Variants in SS18 observed in about 807,000 individuals in gnomAD.
SS18 encodes the protein protein SSXT.
A neutral mutation model predicts 72.5 loss-of-function variants in SS18; 28 were observed. That is an observed-to-expected ratio of 0.39 (90% CI 0.29 to 0.53). The LOEUF (loss-of-function observed/expected upper bound fraction) is 0.53. Among genes scored for constraint, SS18 ranks in the 20% least tolerant of loss-of-function variants. The pLI is 0.76. For missense variants in SS18, 518 were observed against 535.3 expected (o/e 0.97, Z 0.32); for synonymous variants, 172 against 164.2 (o/e 1.05, Z -0.37).
chr18:26,058,469 C>A (rs558399526), intron 3 of SS18, among the ~76,000 whole-genome samples: 1 of 152,234 alleles, frequency 6.6e-6, no homozygotes, highest in African/African-American at 2.4e-5. Context: ...CGGTTAGTTT[C>A]GCTCCAATCC....
At chr18:26,082,408 G>T in intron 2 of SS18, 1 of 963,800 alleles carries the variant, frequency 1.0e-6, no homozygotes, top group Non-Finnish European at 1.2e-6. Flanking sequence ...GCACTTTATA[G>T]AATAAAAGTT....
chr18:26,085,230 A>G (rs1305492316), intron 2 of SS18, among the ~76,000 whole-genome samples: 1 of 152,172 alleles, frequency 6.6e-6, no homozygotes, highest in East Asian at 1.9e-4. Context: ...AGAAACAGTT[A>G]TCACTGTTGC....
chr18:26,085,494 T>C (rs1355762859), intron 2 of SS18, among the ~76,000 whole-genome samples: 2 of 152,258 alleles, frequency 1.3e-5, no homozygotes, highest in East Asian at 3.8e-4. Flanking sequence ...TGCTGGCTAA[T>C]TTGGCAACTT....
chr18:26,066,548 A>G (rs1352573579), intron 3 of SS18, among the ~76,000 whole-genome samples: 1 of 151,910 alleles, frequency 6.6e-6, no homozygotes, highest in African/African-American at 2.4e-5. Flanking sequence ...TCAGTTCCCT[A>G]GCATTTTTGC....
At chr18:26,078,551 G>A (rs1282827695) in intron 2 of SS18, among the ~76,000 whole-genome samples, 3 of 152,088 alleles carry the variant, frequency 2.0e-5, no homozygotes, top group Non-Finnish European at 4.4e-5. Context: ...CTAGTACACT[G>A]AGTTTTTTTA....
chr18:26,082,430 T>C, intron 2 of SS18: 1 of 976,330 alleles, frequency 1.0e-6, no homozygotes, highest in Non-Finnish European at 1.2e-6. Flanking sequence ...TCTTCCAAAC[T>C]ACAGATTTAA....
chr18:26,024,895 G>A (rs1379822639), intron 10 of SS18, among the ~76,000 whole-genome samples: 3 of 151,926 alleles, frequency 2.0e-5, no homozygotes, highest in East Asian at 1.9e-4. Context: ...AGCAAGATCC[G>A]ACTGACTACA....
chr18:26,081,895 GA>G (rs948036669), intron 2 of SS18, among the ~76,000 whole-genome samples: 8 of 151,796 alleles, frequency 5.3e-5, no homozygotes, highest in African/African-American at 1.9e-4. Context: ...CTATCCCTAC[GA>G]AAAAGTGAAA....
intron 3 of SS18, among the ~76,000 whole-genome samples, chr18:26,073,125 C>T (rs1017199847): frequency 1.3e-5 from 2 of 151,816 alleles, no homozygotes; most frequent in African/African-American, 4.8e-5. Context: ...TTCCAAAGAA[C>T]TCAAATCGTA....
At chr18:26,059,070 T>C (rs1598580752) in intron 3 of SS18, among the ~76,000 whole-genome samples, 1 of 152,336 alleles carries the variant, frequency 6.6e-6, no homozygotes, top group South Asian at 2.1e-4. Flanking sequence ...CTCTTAATAG[T>C]GAGGTCATTT....
At chr18:26,060,794 A>AAAAAAAAAAAAAAAAAC (rs1469544719) in intron 3 of SS18, among the ~76,000 whole-genome samples, 1 of 128,728 alleles carries the variant, frequency 7.8e-6, no homozygotes, top group Non-Finnish European at 1.6e-5. Flanking sequence ...AAAAAAAAAA[A>AAAAAAAAAAAAAAAAAC]AAAAAAAAAA....
rs752331893 is a variant in SS18 at position 26,057,734 on chromosome 18, T to G, written c.240A>C (p.Thr80=). ...CTCCAGGACCCATAGGCATATTCTG[T>G]GTGGGTGGCTGAAAGAAGACAGTTT... ...NMQSLLPAPP[T]QNMPMGPGGM... The change falls in exon 4 of 11, where the codon ACA becomes ACC. Residue 80 remains threonine, a synonymous_variant. Transcript: ENST00000415083. 17 of 1,600,310 alleles carry G rather than the reference T, an allele frequency of 1.1e-5. No homozygotes were observed. In the South Asian group the frequency reaches 1.7e-4, roughly 16 times the overall value.
intron 10 of SS18, among the ~76,000 whole-genome samples, chr18:26,022,317 G>A (rs1209349886): frequency 2.0e-5 from 3 of 151,966 alleles, no homozygotes; most frequent in Non-Finnish European, 4.4e-5. Context: ...TACATTCTTG[G>A]GGAAGAAGAA....
intron 2 of SS18, chr18:26,082,626 G>A (rs1360292804): frequency 1.9e-6 from 1 of 518,058 alleles, no homozygotes; most frequent in Non-Finnish European, 2.5e-6. Context: ...ACATTCTCAC[G>A]TGTGTTACCA....
At chr18:26,030,511 G>A (rs1338735268) in intron 10 of SS18, among the ~76,000 whole-genome samples, 1 of 152,134 alleles carries the variant, frequency 6.6e-6, no homozygotes, top group African/African-American at 2.4e-5. Context: ...CTGAGTCCAC[G>A]TCTATCTTAT....
chr18:26,077,574 A>G (rs1268229464), intron 3 of SS18, among the ~76,000 whole-genome samples: 1 of 152,164 alleles, frequency 6.6e-6, no homozygotes, highest in Non-Finnish European at 1.5e-5. Context: ...AAAAATTTAG[A>G]GTTTTTAATC....
At chr18:26,072,407 C>T (rs957172735) in intron 3 of SS18, among the ~76,000 whole-genome samples, 1 of 147,294 alleles carries the variant, frequency 6.8e-6, no homozygotes, top group African/African-American at 2.5e-5. Flanking sequence ...ATCTCTAACA[C>T]AAGAAAACAG....
chr18:26,080,010 CA>C (rs2054487634), intron 2 of SS18, among the ~76,000 whole-genome samples: 1 of 151,800 alleles, frequency 6.6e-6, no homozygotes, highest in Non-Finnish European at 1.5e-5. Flanking sequence ...CTTTCACAAA[CA>C]AGGCCATGCT....
chr18:26,043,333 TAATATA>T (rs1280404796), intron 5 of SS18, among the ~76,000 whole-genome samples: 1 of 152,180 alleles, frequency 6.6e-6, no homozygotes, highest in African/African-American at 2.4e-5. Context: ...TCTATCACTG[TAATATA>T]AAAACCTTAA....
Sources: allele counts gnomAD v4.1 joint callset (sites outside exome capture counted in the v4.1 genomes callset), GRCh38; gene constraint gnomAD v4.1.1; transcripts MANE v1.5; gene names NCBI Gene and HGNC (gene_info 2026-07-23, HGNC 2026-07-21).